The following PNPLA7 variants were observed in gnomAD, a reference collection of about 807,000 sequenced individuals.
PNPLA7 encodes patatin-like phospholipase domain-containing protein 7.
PNPLA7 carries 153 observed loss-of-function variants against 161.7 expected under a neutral mutation model. That is an observed-to-expected ratio of 0.95 (90% CI 0.83 to 1.08). The LOEUF is 1.08. Among genes scored for constraint, PNPLA7 ranks in the 50% least tolerant of loss-of-function variants. The probability of loss-of-function intolerance (pLI) is 0.00; values close to 1 mark genes in which losing one functional copy is unlikely to be tolerated. For missense variants in PNPLA7, 1,739 were observed against 1,856.6 expected (o/e 0.94, Z 1.16); for synonymous variants, 809 against 782.1 (o/e 1.03, Z -0.57).
rs546789116 is a variant in PNPLA7, at chr9:137,484,981, G to A, written c.2198-245C>T. ...CCTTGCGCCTCCCCAGCCCTCAGGG[G>A]CTGCCTGGACCTCATGCCTCCCCCA... On this transcript the variant is annotated intron_variant, in intron 20 of 34. Coordinates refer to ENST00000406427, the MANE Select transcript of PNPLA7 (RefSeq NM_001098537.3). 3.3e-5 allele frequency among the ~76,000 whole-genome samples: 5 copies of A among 152,022 alleles called. No homozygotes were observed. In the East Asian group the frequency reaches 9.8e-4, roughly 30 times the overall value.
At chr9:137,536,696 G>A (rs1012908691) in intron 8 of PNPLA7, among the ~76,000 whole-genome samples, 4 of 152,200 alleles carry the variant, frequency 2.6e-5, no homozygotes, top group African/African-American at 2.4e-5. Flanking sequence ...CGAAAGAACC[G>A]CCCATGAGCG....
Position 137,498,194 on chromosome 9 carries a change from C to T in PNPLA7, c.1809G>A (p.Val603=), listed in dbSNP as rs1833170985. Residue 603 remains valine (V), a synonymous_variant, in exon 17 of 35, where the codon GTG becomes GTA. Transcript: ENST00000406427. ...GCCGCACGAAGGACGACATCCTCTT[C>T]ACCACAGTGTGCGCCACACCCAGGA... is the stretch of plus-strand genomic sequence containing the variant. ...TVVLGVAHTV[V]KRMSSFVRQI... is the part of the protein sequence containing the mutation. 1 of 1,612,704 alleles carries T rather than the reference C, an allele frequency of 6.2e-7. No individual in the cohort carries two copies. The highest frequency in any genetic ancestry group is 8.5e-7 in the Non-Finnish European group (1 of 1,179,986).
rs1297514178 is a variant in PNPLA7, at chr9:137,467,149, TGTG to T, written c.3039+165_3039+167del. 6.6e-6 allele frequency among the ~76,000 whole-genome samples: 1 copy of T among 152,200 alleles called. No individual in the cohort carries two copies. Among genetic ancestry groups the T allele is most frequent in the African/African-American group, 2.4e-5 (1 of 41,456 alleles). On this transcript the variant is annotated intron_variant, in intron 26 of 34. Coordinates refer to ENST00000406427, the MANE Select transcript of PNPLA7 (RefSeq NM_001098537.3). This position sits in a 1 kb window ranked among gnomAD's most constrained non-coding sequence, Gnocchi z 5.1. ...CACCAACCTGCATCTGTGCCTTCTCTGTGGTGCTCCTTTGCCTCACAAGCTGCA... is the reference window on the plus strand; with the variant it reads ...CACCAACCTGCATCTGTGCCTTCTCTGTGCTCCTTTGCCTCACAAGCTGCA...
intron 8 of PNPLA7, among the ~76,000 whole-genome samples, chr9:137,539,412 C>T (rs1836070126): frequency 6.6e-6 from 1 of 152,192 alleles, no homozygotes; most frequent in African/African-American, 2.4e-5. Context: ...TGGCTTATGC[C>T]TGTAATCCCA....
At chr9:137,505,852 A>G (rs1406065369) in intron 13 of PNPLA7, 92 bp from the exon 14 acceptor site, 4 of 1,556,886 alleles carry the variant, frequency 2.6e-6, no homozygotes, top group Non-Finnish European at 2.6e-6. Flanking sequence ...CACAGTGCGG[A>G]AAGGCCGGCT....
intron 4 of PNPLA7, among the ~76,000 whole-genome samples, chr9:137,545,131 G>A (rs755652274): frequency 2.3e-4 from 35 of 152,108 alleles, no homozygotes; most frequent in Admixed American, 9.2e-4. Context: ...CAGCCCAATT[G>A]GCCAAAGACG....
intron 8 of PNPLA7, among the ~76,000 whole-genome samples, chr9:137,534,937 TA>T (rs1212048952): frequency 1.1e-4 from 16 of 140,702 alleles, no homozygotes; most frequent in Admixed American, 7.4e-4. Flanking sequence ...AATGAGACCT[TA>T]ACCCCAGCAG....
chr9:137,506,962 G>A (rs1030542831), intron 12 of PNPLA7, among the ~76,000 whole-genome samples: 14 of 152,216 alleles, frequency 9.2e-5, no homozygotes, highest in Admixed American at 8.5e-4. Context: ...GACACTAACC[G>A]CAGACACATG....
In PNPLA7 at chr9:137,550,302, G is replaced by T; in HGVS notation, c.-105C>A. On this transcript the variant is annotated 5_prime_UTR_variant, in exon 1 of 35. Transcript: ENST00000406427. ...CTCACACCTGGACACTTTTCCCTGG[G>T]TTCCTTTCAAGTCAAATTATGTTTC... The T allele has an allele frequency of 1.6e-6, 2 of 1,283,468 alleles. No homozygotes were observed. Among genetic ancestry groups the T allele is most frequent in the Middle Eastern group, 1.9e-4 (1 of 5,396 alleles). The allele number at this position is 1,283,468 out of a possible 1,614,324, so 79.5% of individuals were successfully genotyped here. A position where few individuals can be genotyped will look rare whatever the true frequency, so the allele number is the denominator to read the frequency against.
In PNPLA7 at chr9:137,530,375, C is replaced by T. The variant is rs964660664; in HGVS notation, c.748-7518G>A. Among the ~76,000 whole-genome samples the T allele has an allele frequency of 7.3e-5, 11 of 151,432 alleles. No homozygotes were observed. In the South Asian group the frequency reaches 1.0e-3, roughly 14 times the overall value. ...AATCTGTGCATCTACTTCCCTGGCT[C>T]TCTCCTCCCTGAGATCCACACACTC... is the stretch of plus-strand genomic sequence containing the variant. On this transcript the variant is annotated intron_variant, in intron 8 of 34. Coordinates refer to ENST00000406427, the MANE Select transcript of PNPLA7 (RefSeq NM_001098537.3).
At chr9:137,493,165 G>T in intron 19 of PNPLA7, 83 bp from the exon 20 acceptor site, 1 of 1,394,604 alleles carries the variant, frequency 7.2e-7, no homozygotes, top group Non-Finnish European at 1.0e-6. Context: ...CTCAACAACA[G>T]CGAGACTCAG....
At chr9:137,479,295 A>G in intron 23 of PNPLA7, 57 bp from the exon 24 acceptor site, 1 of 1,452,456 alleles carries the variant, frequency 6.9e-7, no homozygotes, top group Non-Finnish European at 9.1e-7. Flanking sequence ...TCGGGACAGG[A>G]CGGAGCTGAA....
chr9:137,474,824 A>C (rs1453746309), intron 25 of PNPLA7, among the ~76,000 whole-genome samples: 2 of 150,342 alleles, frequency 1.3e-5, no homozygotes, highest in Non-Finnish European at 3.0e-5. Context: ...CATCCTGGTT[A>C]ACACAGTGAA....
At chr9:137,530,296 T>A (rs1026129945) in intron 8 of PNPLA7, among the ~76,000 whole-genome samples, 1 of 152,226 alleles carries the variant, frequency 6.6e-6, no homozygotes, top group Non-Finnish European at 1.5e-5. Flanking sequence ...AGTTTCAAAG[T>A]CTTTGTTATG....
intron 14 of PNPLA7, among the ~76,000 whole-genome samples, chr9:137,503,254 G>A (rs1833599230): frequency 6.6e-6 from 1 of 151,956 alleles, no homozygotes; most frequent in African/African-American, 2.4e-5. Flanking sequence ...TGTTAGTGAG[G>A]CCTGTGGTTC....
Position 137,524,100 on chromosome 9 carries a change from C to T in PNPLA7, c.748-1243G>A, listed in dbSNP as rs938069882. ...CCTCCAATGCCCCTGGCAGCCTTTT[C>T]GCAACCTCCTTTCTTCCCACCACTG... On this transcript the variant is annotated intron_variant, in intron 8 of 34. Coordinates refer to ENST00000406427, the MANE Select transcript of PNPLA7 (RefSeq NM_001098537.3). The surrounding 1 kb of genome is among the most constrained non-coding windows in gnomAD (Gnocchi z 4.4). 2.0e-5 allele frequency among the ~76,000 whole-genome samples: 3 copies of T among 152,242 alleles called. No homozygotes were observed. Among genetic ancestry groups the T allele is most frequent in the Admixed American group, 1.3e-4 (2 of 15,282 alleles).
chr9:137,484,162 C>T (rs1395796621), intron 21 of PNPLA7, among the ~76,000 whole-genome samples: 1 of 152,098 alleles, frequency 6.6e-6, no homozygotes, highest in Non-Finnish European at 1.5e-5. Context: ...TCTTGAACTC[C>T]TGACCTCGGC....
At chr9:137,485,102 C>G (rs1832408459) in intron 20 of PNPLA7, among the ~76,000 whole-genome samples, 1 of 152,258 alleles carries the variant, frequency 6.6e-6, no homozygotes, top group African/African-American at 2.4e-5. Context: ...TGGTCTCACG[C>G]CTTCCCCAGC....
chr9:137,504,382 T>G (rs1833801894), intron 14 of PNPLA7, among the ~76,000 whole-genome samples: 1 of 152,218 alleles, frequency 6.6e-6, no homozygotes, highest in Admixed American at 6.5e-5. Context: ...CAGCTAATTT[T>G]TGTATCTTTA....
Sources: allele counts gnomAD v4.1 joint callset (sites outside exome capture counted in the v4.1 genomes callset), GRCh38; gene constraint gnomAD v4.1.1; non-coding constraint Gnocchi (gnomAD v3.1); transcripts MANE v1.5; gene names NCBI Gene and HGNC (gene_info 2026-07-23, HGNC 2026-07-21).